Variants in GPRIN3 observed in about 807,000 individuals in gnomAD.
GPRIN3 encodes GPRIN family member 3.
Under a neutral mutation model 13.7 loss-of-function variants are expected in GPRIN3, and 12 were observed. The observed-to-expected ratio is 0.87, with a 90% CI of 0.56 to 1.42. GPRIN3 has a LOEUF of 1.42. GPRIN3 is among the 40% of genes most tolerant of loss of function. The pLI is 0.00. For synonymous variants in GPRIN3, 377 were observed against 372.7 expected (o/e 1.01, Z -0.13); for missense variants, 1,009 against 958.7 (o/e 1.05, Z -0.69).
chr4:89,272,718 T>C (rs1174563269), intron 1 of GPRIN3, among the ~76,000 whole-genome samples: 4 of 152,162 alleles, frequency 2.6e-5, no homozygotes, highest in Non-Finnish European at 4.4e-5. Flanking sequence ...AAAAAAATGA[T>C]ATAACAACCC....
rs1301867141 is a variant in GPRIN3 at position 89,246,735 on chromosome 4, C to A, written c.*1045G>T. 6.6e-6 allele frequency: 1 copy of A among 152,036 alleles called. No homozygotes were observed. The highest frequency in any genetic ancestry group is 1.5e-5 in the Non-Finnish European group (1 of 68,004). 9.4% of individuals were successfully genotyped at this position (152,036 alleles called of 1,614,324 possible). A position where few individuals can be genotyped will look rare whatever the true frequency, so the allele number is the denominator to read the frequency against. On this transcript the variant is annotated 3_prime_UTR_variant, in exon 2 of 2. Coordinates refer to ENST00000609438, the MANE Select transcript of GPRIN3 (RefSeq NM_198281.3). ...ACATTTGTTACTGGAAGTTACTGAA[C>A]CCAATTAAAAAAAATCACTAATTGC...
intron 1 of GPRIN3, among the ~76,000 whole-genome samples, chr4:89,252,023 A>G (rs1578075272): frequency 1.3e-5 from 2 of 150,444 alleles, no homozygotes; most frequent in African/African-American, 2.5e-5. Context: ...CCTAGGCTGG[A>G]GTTCAGGGAT....
chr4:89,264,673 C>G (rs78969191), intron 1 of GPRIN3, among the ~76,000 whole-genome samples: 1 of 152,046 alleles, frequency 6.6e-6, no homozygotes, highest in South Asian at 2.1e-4. Context: ...ATTAGAGATA[C>G]GAGGTGGAGG....
At position 89,238,999 on chromosome 4, in the gene GPRIN3, G is replaced by T. The variant is rs965649799; in HGVS notation, c.*8781C>A. ...AATCAAATCCAAAATGAAGGTGTAA[G>T]TATACGTAATTCCAAAATCTTACTT... On this transcript the variant is annotated 3_prime_UTR_variant, in exon 2 of 2. Transcript: ENST00000609438. 8 of 152,146 alleles carry T rather than the reference G, an allele frequency of 5.3e-5. No homozygotes were observed. Among genetic ancestry groups the T allele is most frequent in the African/African-American group, 1.9e-4 (8 of 41,442 alleles). The allele number at this position is 152,146 out of a possible 1,614,324, so 9.4% of individuals were successfully genotyped here. A position where few individuals can be genotyped will look rare whatever the true frequency, so the allele number is the denominator to read the frequency against.
intron 1 of GPRIN3, among the ~76,000 whole-genome samples, chr4:89,290,578 G>A (rs1467738439): frequency 1.3e-5 from 2 of 152,078 alleles, no homozygotes; most frequent in African/African-American, 4.8e-5. Context: ...AGCAGGAAGT[G>A]AGGACTTTCT....
intron 1 of GPRIN3, among the ~76,000 whole-genome samples, chr4:89,290,859 A>G (rs777644615): frequency 5.3e-5 from 8 of 152,122 alleles, no homozygotes; most frequent in Non-Finnish European, 8.8e-5. Flanking sequence ...TGCCCCATTC[A>G]CACACAAACA....
At chr4:89,270,408 A>G (rs546197598) in intron 1 of GPRIN3, among the ~76,000 whole-genome samples, 1 of 150,810 alleles carries the variant, frequency 6.6e-6, no homozygotes, top group African/African-American at 2.4e-5. Flanking sequence ...ACAAATGTAT[A>G]CCTCTCTGAG....
At chr4:89,295,191 C>T (rs1200511038) in intron 1 of GPRIN3, among the ~76,000 whole-genome samples, 2 of 152,178 alleles carry the variant, frequency 1.3e-5, no homozygotes, top group Non-Finnish European at 2.9e-5. Context: ...TGTAGACCCC[C>T]CTTTTTTCCA....
chr4:89,241,841 A>G lies in GPRIN3; in HGVS notation c.*5939T>C, dbSNP rs1166148871. 1 of 152,228 alleles carries G rather than the reference A, an allele frequency of 6.6e-6. No homozygotes were observed. Among genetic ancestry groups the G allele is most frequent in the African/African-American group, 2.4e-5 (1 of 41,464 alleles). 9.4% of individuals were successfully genotyped at this position (152,228 alleles called of 1,614,324 possible). ...AGTTTGCTCTACACACAGCCTTTAC[A>G]TGTTATTAAAAGCAATGATATGAAT... On this transcript the variant is annotated 3_prime_UTR_variant, in exon 2 of 2. Coordinates refer to ENST00000609438, the MANE Select transcript of GPRIN3 (RefSeq NM_198281.3).
In GPRIN3 at chr4:89,250,232, G is replaced by C; in HGVS notation, c.-122C>G. On this transcript the variant is annotated splice_region_variant and 5_prime_UTR_variant, in exon 2 of 2. Transcript: ENST00000609438. ...CAGGGATGATTCCTCTGAAGAACCA[G>C]CCTGTGAATCAAGGAAACAGCATCA... 1 of 1,497,990 alleles carries C rather than the reference G, an allele frequency of 6.7e-7. No individual in the cohort carries two copies. The highest frequency in any genetic ancestry group is 8.9e-7 in the Non-Finnish European group (1 of 1,123,982). 92.8% of individuals were successfully genotyped at this position (1,497,990 alleles called of 1,614,324 possible).
chr4:89,275,044 G>C lies in GPRIN3; in HGVS notation c.-123-24811C>G, dbSNP rs552998448. On this transcript the variant is annotated intron_variant, in intron 1 of 1. Coordinates refer to ENST00000609438, the MANE Select transcript of GPRIN3 (RefSeq NM_198281.3). ...GAACACTGAGGCAGGATGGGTTTAG[G>C]AGCTGTGGATGTGCCCAGAAGAGCT... Among the ~76,000 whole-genome samples the C allele has an allele frequency of 1.4e-4, 21 of 152,248 alleles. No homozygotes were observed. The South Asian group carries it at 4.4e-3, about 32-fold the overall frequency.
intron 1 of GPRIN3, among the ~76,000 whole-genome samples, chr4:89,301,050 T>C (rs1053945788): frequency 6.6e-6 from 1 of 152,238 alleles, no homozygotes; most frequent in Non-Finnish European, 1.5e-5. Flanking sequence ...AATCATGCTA[T>C]GTATAAAATA....
At chr4:89,253,035 ACTC>A (rs955683505) in intron 1 of GPRIN3, among the ~76,000 whole-genome samples, 16 of 150,368 alleles carry the variant, frequency 1.1e-4, no homozygotes, top group Non-Finnish European at 2.4e-4. Flanking sequence ...AAAAAAAACA[ACTC>A]CTACAGGTTG....
intron 1 of GPRIN3, among the ~76,000 whole-genome samples, chr4:89,261,020 GC>G (rs2149264240): frequency 6.6e-6 from 1 of 151,670 alleles, no homozygotes; most frequent in South Asian, 2.1e-4. Flanking sequence ...CACAACCCCC[GC>G]CCCCCAATGT....
rs77531486 is a variant in GPRIN3 at position 89,290,177 on chromosome 4, C to A, written c.-124+17438G>T. 1.8e-3 allele frequency among the ~76,000 whole-genome samples: 273 copies of A among 151,908 alleles called. 3 individuals are homozygous for A. Among genetic ancestry groups the A allele is most frequent in the African/African-American group, 6.3e-3 (261 of 41,480 alleles). ...GTAGAGACAGAGTTTTGCCATGTTG[C>A]AGGCTGGCCTCAAACTCCTGAGGCT... On this transcript the variant is annotated intron_variant, in intron 1 of 1. Transcript: ENST00000609438.
intron 1 of GPRIN3, among the ~76,000 whole-genome samples, chr4:89,262,125 CA>C (rs61290252): frequency 0.1 from 5,459 of 53,842 alleles, 169 homozygotes; most frequent in African/African-American, 0.26. Flanking sequence ...GACCCAGTCT[CA>C]AAAAAAAAAA....
rs985317762 is a variant in GPRIN3, at chr4:89,250,251, A to C, written c.-123-18T>G. On this transcript the variant is annotated intron_variant, in intron 1 of 1. Transcript: ENST00000609438. ...GAACCAGCCTGTGAATCAAGGAAAC[A>C]GCATCATTAATACAGTACGTCGCTT... 1 of 1,482,482 alleles carries C rather than the reference A, an allele frequency of 6.7e-7. No individual in the cohort carries two copies. The allele number at this position is 1,482,482 out of a possible 1,614,324, so 91.8% of individuals were successfully genotyped here.
At chr4:89,277,214 G>T (rs1430735434) in intron 1 of GPRIN3, among the ~76,000 whole-genome samples, 1 of 152,102 alleles carries the variant, frequency 6.6e-6, no homozygotes, top group Non-Finnish European at 1.5e-5. Context: ...TTTAGATCCA[G>T]GCCCAAATGG....
chr4:89,288,444 C>T (rs1027895220), intron 1 of GPRIN3, among the ~76,000 whole-genome samples: 1 of 152,166 alleles, frequency 6.6e-6, no homozygotes, highest in Non-Finnish European at 1.5e-5. Context: ...TCTGGGTCAA[C>T]TAAGTTTGCA....
Sources: allele counts gnomAD v4.1 joint callset (sites outside exome capture counted in the v4.1 genomes callset), GRCh38; gene constraint gnomAD v4.1.1; transcripts MANE v1.5; gene names NCBI Gene and HGNC (gene_info 2026-07-23, HGNC 2026-07-21).